Variants in TMEM132C observed in about 807,000 individuals in gnomAD.
The protein encoded by TMEM132C is transmembrane protein 132C.
TMEM132C carries 29 observed loss-of-function variants against 61.4 expected under a neutral mutation model. That is an observed-to-expected ratio of 0.47 (90% confidence interval 0.35 to 0.64). TMEM132C has a LOEUF of 0.64. Ranked by LOEUF, TMEM132C falls within the 30% of genes least tolerant of loss-of-function variation. The probability of loss-of-function intolerance (pLI) is 0.00; values close to 1 mark genes in which losing one functional copy is unlikely to be tolerated. For missense variants in TMEM132C, 1,408 were observed against 1,476.9 expected, an observed-to-expected ratio of 0.95 and a Z score of 0.76; for synonymous variants, 656 against 633.1, an observed-to-expected ratio of 1.04 and a Z score of -0.54.
chr12:128,595,884 A>G (rs779436135), intron 3 of TMEM132C, among the ~76,000 whole-genome samples: 3 of 152,240 alleles, frequency 2.0e-5, no homozygotes, highest in Non-Finnish European at 2.9e-5. Flanking sequence ...GTAGCCTCCC[A>G]TCACAGCTCC....
At chr12:128,551,554 A>G (rs1351202266) in intron 3 of TMEM132C, among the ~76,000 whole-genome samples, 1 of 152,168 alleles carries the variant, frequency 6.6e-6, no homozygotes, top group East Asian at 1.9e-4. Flanking sequence ...TGCGAGGCCA[A>G]CAGAGCAATT....
chr12:128,558,124 A>C (rs563938974), intron 3 of TMEM132C, among the ~76,000 whole-genome samples: 1 of 152,130 alleles, frequency 6.6e-6, no homozygotes, highest in Admixed American at 6.5e-5. Context: ...GCCCACCTGG[A>C]GTGTTAGTTG....
At position 128,705,830 on chromosome 12, in the gene TMEM132C, C is replaced by T. The variant is rs1200824648; in HGVS notation, c.2862C>T (p.His954=). The T allele has an allele frequency of 4.5e-6, 7 of 1,551,692 alleles. No individual in the cohort carries two copies. Among genetic ancestry groups the T allele is most frequent in the South Asian group, 1.2e-5 (1 of 84,062 alleles). ...NCATFALKYR[H]KQVPLEGQAS... is the part of the protein sequence containing the mutation. ...CCACCTTTGCCCTGAAGTACAGGCA[C>T]AAGCAAGTGCCCCTGGAAGGTCAGG... Residue 954 remains histidine (H), a synonymous_variant, in exon 9 of 9, where the codon CAC becomes CAT. Coordinates refer to ENST00000435159, the MANE Select transcript of TMEM132C (RefSeq NM_001136103.3).
At chr12:128,655,069 A>G (rs1381223344) in intron 4 of TMEM132C, among the ~76,000 whole-genome samples, 1 of 152,170 alleles carries the variant, frequency 6.6e-6, no homozygotes, top group South Asian at 2.1e-4. Context: ...GCATCTCCTC[A>G]AGCATTTTTT....
At chr12:128,532,609 C>G (rs1873354610) in intron 2 of TMEM132C, among the ~76,000 whole-genome samples, 1 of 127,634 alleles carries the variant, frequency 7.8e-6, no homozygotes, top group Non-Finnish European at 1.6e-5. Flanking sequence ...CATTTGCACT[C>G]CAGCCTGGGT....
At chr12:128,500,533 G>A (rs1478514254) in intron 2 of TMEM132C, among the ~76,000 whole-genome samples, 1 of 151,930 alleles carries the variant, frequency 6.6e-6, no homozygotes, top group Admixed American at 6.6e-5. Flanking sequence ...ATGAGCAACA[G>A]ATATGAGTAG....
intron 2 of TMEM132C, among the ~76,000 whole-genome samples, chr12:128,521,814 A>G (rs957492443): frequency 2.6e-5 from 4 of 152,198 alleles, no homozygotes; most frequent in African/African-American, 9.7e-5. Flanking sequence ...CAATTTTTAA[A>G]AAATATTTAA....
chr12:128,664,284 T>C (rs11836011), intron 4 of TMEM132C, among the ~76,000 whole-genome samples: 39,325 of 152,006 alleles, frequency 0.26, 6,591 homozygotes, highest in African/African-American at 0.48. Context: ...GTTAAAAATA[T>C]AGTTCACCTA....
At chr12:128,441,207 G>A (rs1278140537) in intron 2 of TMEM132C, among the ~76,000 whole-genome samples, 1 of 152,218 alleles carries the variant, frequency 6.6e-6, no homozygotes, top group Non-Finnish European at 1.5e-5. Flanking sequence ...GCACGGCGAT[G>A]AGTGCGAGGA....
chr12:128,616,884 G>T (rs1329723881), intron 4 of TMEM132C, among the ~76,000 whole-genome samples: 1 of 152,194 alleles, frequency 6.6e-6, no homozygotes, highest in Non-Finnish European at 1.5e-5. Context: ...TTAGATTACT[G>T]TTAGTAGTGT....
At chr12:128,392,660 T>G (rs1209620809) in intron 1 of TMEM132C, among the ~76,000 whole-genome samples, 2 of 152,106 alleles carry the variant, frequency 1.3e-5, no homozygotes, top group African/African-American at 2.4e-5. Context: ...TATTCAAACT[T>G]TCTTATACAA....
chr12:128,410,000 T>C (rs951158281), intron 1 of TMEM132C, among the ~76,000 whole-genome samples: 2 of 152,174 alleles, frequency 1.3e-5, no homozygotes, highest in African/African-American at 4.8e-5. Context: ...AATAATAATA[T>C]GGTGGGGCAT....
intron 4 of TMEM132C, among the ~76,000 whole-genome samples, chr12:128,634,870 A>G (rs868492075): frequency 1.3e-5 from 2 of 152,204 alleles, no homozygotes; most frequent in African/African-American, 2.4e-5. Flanking sequence ...CTTAAGATTC[A>G]TGGTATCCCT....
At chr12:128,279,474 A>AGGTAAT (rs1474903583) in intron 1 of TMEM132C, among the ~76,000 whole-genome samples, 5 of 152,108 alleles carry the variant, frequency 3.3e-5, no homozygotes, top group Non-Finnish European at 7.4e-5. Context: ...TCACATTCAG[A>AGGTAAT]GGTAATACCA....
intron 1 of TMEM132C, among the ~76,000 whole-genome samples, chr12:128,407,101 G>A (rs907534169): frequency 3.3e-5 from 5 of 152,168 alleles, no homozygotes; most frequent in Admixed American, 6.5e-5. Context: ...TGTATCTCCC[G>A]TAATCCCCAC....
intron 1 of TMEM132C, among the ~76,000 whole-genome samples, chr12:128,376,536 G>A (rs1874198658): frequency 6.6e-6 from 1 of 152,188 alleles, no homozygotes; most frequent in South Asian, 2.1e-4. Context: ...TGAACTTGAA[G>A]CATGAAGCAA....
At chr12:128,575,709 G>T (rs1875067432) in intron 3 of TMEM132C, among the ~76,000 whole-genome samples, 1 of 152,182 alleles carries the variant, frequency 6.6e-6, no homozygotes, top group Non-Finnish European at 1.5e-5. Context: ...CTATTGACAA[G>T]AATTGTTTCC....
At chr12:128,681,570 T>C (rs2135641084) in intron 5 of TMEM132C, among the ~76,000 whole-genome samples, 1 of 152,274 alleles carries the variant, frequency 6.6e-6, no homozygotes. Context: ...TTTCCATCAC[T>C]TGGCTTAGCA....
At chr12:128,319,380 A>G (rs1249083683) in intron 1 of TMEM132C, among the ~76,000 whole-genome samples, 1 of 148,910 alleles carries the variant, frequency 6.7e-6, no homozygotes, top group Non-Finnish European at 1.5e-5. Flanking sequence ...AGACAGAGAG[A>G]CAGTGTGTGT....
Sources: gnomAD v4.1 joint callset for allele counts (sites outside exome capture counted in the v4.1 genomes callset) on GRCh38, gnomAD v4.1.1 for gene constraint, MANE v1.5 for transcripts, NCBI Gene and HGNC (gene_info 2026-07-23, HGNC 2026-07-21) for gene names.